Variants in GNA14 observed in about 807,000 individuals in gnomAD.
GNA14 encodes the protein guanine nucleotide-binding protein subunit alpha-14.
Under a neutral mutation model 42.0 loss-of-function variants are expected in GNA14, and 50 were observed. The ratio of observed to expected loss-of-function variants is 1.19; its 90% CI spans 0.95 to 1.51. The LOEUF (loss-of-function observed/expected upper bound fraction) is 1.51. Ranked by LOEUF, GNA14 falls within the 40% of genes most tolerant of loss-of-function variation. The pLI, the probability that GNA14 is intolerant of heterozygous loss-of-function variation, is 0.00. For synonymous variants in GNA14, 173 were observed against 163.1 expected, an observed-to-expected ratio of 1.06 and a Z score of -0.46; for missense variants, 473 against 446.2, an observed-to-expected ratio of 1.06 and a Z score of -0.54.
intron 1 of GNA14, among the ~76,000 whole-genome samples, chr9:77,534,229 G>A (rs1479836552): frequency 2.0e-5 from 3 of 152,160 alleles, no homozygotes; most frequent in Non-Finnish European, 4.4e-5. Context: ...CATTTCTTAT[G>A]TGAAATTTAC....
chr9:77,612,628 G>C (rs1373412769), intron 1 of GNA14, among the ~76,000 whole-genome samples: 1 of 150,412 alleles, frequency 6.6e-6, no homozygotes, highest in Non-Finnish European at 1.5e-5. Flanking sequence ...ACCACAGTGA[G>C]ATATTACCTC....
chr9:77,560,051 A>G (rs1168518819), intron 1 of GNA14, among the ~76,000 whole-genome samples: 2 of 152,200 alleles, frequency 1.3e-5, no homozygotes, highest in Non-Finnish European at 2.9e-5. Flanking sequence ...ATGTGATGCC[A>G]GAGCTTGCCC....
At position 77,434,539 on chromosome 9, in the gene GNA14, GAACCTTGC is replaced by G; in HGVS notation, c.310-25_310-18del. The G allele has an allele frequency of 6.2e-7, 1 of 1,609,356 alleles. No individual in the cohort carries two copies. Among genetic ancestry groups the G allele is most frequent in the Non-Finnish European group, 8.5e-7 (1 of 1,177,272 alleles). ...GGCATTTTCCTACTCAAAGGAAAGA[GAACCTTGC>G]ATCAGGCAAAGGAAAGGAAGCCAAC... On this transcript the variant is annotated intron_variant, in intron 2 of 6. Transcript: ENST00000341700.
At chr9:77,628,862 G>A (rs143043510) in intron 1 of GNA14, among the ~76,000 whole-genome samples, 356 of 152,130 alleles carry the variant, frequency 2.3e-3, no homozygotes, top group African/African-American at 8.2e-3. Flanking sequence ...CAAAAGCAAT[G>A]GCAACAAAAG....
intron 1 of GNA14, among the ~76,000 whole-genome samples, chr9:77,548,357 C>A (rs1198945582): frequency 6.6e-6 from 1 of 152,176 alleles, no homozygotes; most frequent in Non-Finnish European, 1.5e-5. Context: ...CCACTCAAAT[C>A]CACTATGAGC....
chr9:77,598,382 C>A (rs138607590), intron 1 of GNA14, among the ~76,000 whole-genome samples: 3 of 152,312 alleles, frequency 2.0e-5, no homozygotes, highest in East Asian at 1.9e-4. Flanking sequence ...CCCATGAAGA[C>A]TTCTCTAATC....
At chr9:77,549,630 C>T (rs1837765404) in intron 1 of GNA14, among the ~76,000 whole-genome samples, 1 of 152,166 alleles carries the variant, frequency 6.6e-6, no homozygotes, top group African/African-American at 2.4e-5. Context: ...ACAGAACAGA[C>T]ATTCAAATGC....
rs969271823 is a variant in GNA14 at position 77,647,829 on chromosome 9, G to A, written c.-36C>T. Reference sequence around the variant, plus strand: ...GCTCAGTACCCGACGGGGCGACGCGGCCCCGGGCACCCGAATCCTCGGCCC... The same window carrying A: ...GCTCAGTACCCGACGGGGCGACGCGACCCCGGGCACCCGAATCCTCGGCCC... On this transcript the variant is annotated 5_prime_UTR_variant, in exon 1 of 7. Coordinates refer to ENST00000341700, the MANE Select transcript of GNA14 (RefSeq NM_004297.4). The A allele has an allele frequency of 2.5e-6, 4 of 1,590,762 alleles. No individual in the cohort carries two copies. Among genetic ancestry groups the A allele is most frequent in the Non-Finnish European group, 3.4e-6 (4 of 1,172,578 alleles).
chr9:77,438,076 C>T (rs1185436107), intron 2 of GNA14, among the ~76,000 whole-genome samples: 1 of 152,098 alleles, frequency 6.6e-6, no homozygotes, highest in East Asian at 1.9e-4. Flanking sequence ...GGAGACCTCA[C>T]CAGGAGAGGA....
chr9:77,439,952 ATAAAATGGGTCTGTCTGTGGT>A (rs1254199934), intron 2 of GNA14, among the ~76,000 whole-genome samples: 1 of 152,234 alleles, frequency 6.6e-6, no homozygotes, highest in Non-Finnish European at 1.5e-5. Flanking sequence ...AGGCAGATGG[ATAAAATGGGTCTGTCTGTGGT>A]TCACGGAGAG....
intron 1 of GNA14, among the ~76,000 whole-genome samples, chr9:77,632,067 C>G (rs1270595201): frequency 6.6e-6 from 1 of 152,182 alleles, no homozygotes. Flanking sequence ...CAGCTGCAGA[C>G]CCAGGCACCC....
At chr9:77,425,251 C>G (rs1444264186) in intron 6 of GNA14, among the ~76,000 whole-genome samples, 1 of 152,102 alleles carries the variant, frequency 6.6e-6, no homozygotes, top group African/African-American at 2.4e-5. Context: ...TTCCTGCAGA[C>G]CAGATGGGCA....
intron 5 of GNA14, among the ~76,000 whole-genome samples, chr9:77,427,603 A>G (rs957668394): frequency 3.3e-5 from 5 of 152,266 alleles, no homozygotes; most frequent in African/African-American, 1.2e-4. Flanking sequence ...AGGGGAAAAG[A>G]TGACGAGGAG....
chr9:77,491,541 T>G (rs1476550931), intron 2 of GNA14, among the ~76,000 whole-genome samples: 2 of 152,018 alleles, frequency 1.3e-5, no homozygotes, highest in Non-Finnish European at 2.9e-5. Context: ...AGACTACAAA[T>G]CAAAGACTGT....
intron 2 of GNA14, among the ~76,000 whole-genome samples, chr9:77,514,090 G>C (rs927195100): frequency 4.6e-5 from 7 of 152,124 alleles, no homozygotes; most frequent in Non-Finnish European, 1.0e-4. Flanking sequence ...GCTAAGCATG[G>C]CCAATCCCAA....
At chr9:77,631,323 A>G (rs754168545) in intron 1 of GNA14, among the ~76,000 whole-genome samples, 3 of 152,154 alleles carry the variant, frequency 2.0e-5, no homozygotes, top group African/African-American at 4.8e-5. Context: ...CCATCATCAC[A>G]TGGCCACAAT....
chr9:77,500,021 C>A (rs1331489368), intron 2 of GNA14, among the ~76,000 whole-genome samples: 1 of 150,224 alleles, frequency 6.7e-6, no homozygotes, highest in Non-Finnish European at 1.5e-5. Flanking sequence ...CTGATAATTT[C>A]TTTTCTTTTT....
At chr9:77,466,484 TTCAG>T (rs1836229408) in intron 2 of GNA14, among the ~76,000 whole-genome samples, 1 of 152,244 alleles carries the variant, frequency 6.6e-6, no homozygotes, top group Non-Finnish European at 1.5e-5. Flanking sequence ...TTTCTATGTA[TTCAG>T]TCATTGTTGT....
intron 1 of GNA14, among the ~76,000 whole-genome samples, chr9:77,558,336 A>G (rs1157063339): frequency 6.6e-6 from 1 of 152,176 alleles, no homozygotes; most frequent in Non-Finnish European, 1.5e-5. Flanking sequence ...ATATGGCAAA[A>G]TGTTGACAGT....
Sources: gnomAD v4.1 joint callset for allele counts (sites outside exome capture counted in the v4.1 genomes callset) on GRCh38, gnomAD v4.1.1 for gene constraint, MANE v1.5 for transcripts, NCBI Gene and HGNC (gene_info 2026-07-23, HGNC 2026-07-21) for gene names.